Variants in PTPRR observed in about 807,000 individuals in gnomAD.
PTPRR encodes receptor-type tyrosine-protein phosphatase R.
Under a neutral mutation model 77.2 loss-of-function variants are expected in PTPRR, and 38 were observed. The observed-to-expected ratio is 0.49, with a 90% CI of 0.38 to 0.65. The LOEUF (loss-of-function observed/expected upper bound fraction) is 0.65, where lower values mean the gene tolerates loss of function less well. Ranked by LOEUF, PTPRR falls within the 30% of genes least tolerant of loss-of-function variation. The probability of loss-of-function intolerance (pLI) is 0.00; values close to 1 mark genes in which losing one functional copy is unlikely to be tolerated. For missense variants in PTPRR, 744 were observed against 799.2 expected, an observed-to-expected ratio of 0.93 and a Z score of 0.83; for synonymous variants, 299 against 283.1, an observed-to-expected ratio of 1.06 and a Z score of -0.57.
intron 2 of PTPRR, among the ~76,000 whole-genome samples, chr12:70,812,687 C>A (rs1222038499): frequency 1.3e-5 from 2 of 152,306 alleles, no homozygotes; most frequent in East Asian, 3.9e-4. Flanking sequence ...GCTTGAGAAG[C>A]AGTTCGATGT....
chr12:70,775,761 C>T (rs926358086), intron 2 of PTPRR, among the ~76,000 whole-genome samples: 1 of 152,056 alleles, frequency 6.6e-6, no homozygotes, highest in Non-Finnish European at 1.5e-5. Context: ...AATCCATCCA[C>T]TTCTAACTCA....
chr12:70,670,174 G>A (rs536522820), intron 10 of PTPRR, among the ~76,000 whole-genome samples: 1 of 152,304 alleles, frequency 6.6e-6, no homozygotes, highest in East Asian at 1.9e-4. Context: ...TGTAGAGAAA[G>A]AGTACAGCTG....
chr12:70,840,152 G>T (rs910638369), intron 2 of PTPRR, among the ~76,000 whole-genome samples: 2 of 152,090 alleles, frequency 1.3e-5, no homozygotes, highest in African/African-American at 4.8e-5. Flanking sequence ...TAAAATCAAA[G>T]TATCACTGGG....
At chr12:70,795,055 G>T (rs1054995670) in intron 2 of PTPRR, among the ~76,000 whole-genome samples, 2 of 152,108 alleles carry the variant, frequency 1.3e-5, no homozygotes, top group African/African-American at 4.8e-5. Context: ...TATAATCTCT[G>T]TTATAATGCA....
At position 70,870,500 on chromosome 12, in the gene PTPRR, C is replaced by T. The variant is rs541800141; in HGVS notation, c.357+22179G>A. On this transcript the variant is annotated intron_variant, in intron 2 of 13. Coordinates refer to ENST00000283228, the MANE Select transcript of PTPRR (RefSeq NM_002849.4). ...TTGCTCCCTATTCTCAGCAAATTAG[C>T]GCTCAATGGGAATGACAACAAAAAT... 7.2e-5 allele frequency among the ~76,000 whole-genome samples: 11 copies of T among 152,272 alleles called. 1 individual carries two copies. In the South Asian group the frequency reaches 1.4e-3, roughly 20 times the overall value.
rs758627872 is a variant in PTPRR, at chr12:70,764,746, T to C, written c.390A>G (p.Ile130Met). Residue 130 changes from isoleucine to methionine, a missense_variant, in exon 3 of 14, where the codon ATA becomes ATG. This residue lies in a region of PTPRR where 570 missense variants were observed against 573.2 expected (regional missense o/e 0.99). Coordinates refer to ENST00000283228, the MANE Select transcript of PTPRR (RefSeq NM_002849.4). The part of the protein sequence containing the change: ...TLQMDVNKLN[I>M]TLLRIFRQGV... ...CTTGGCGGAAGATCCGAAGCAAGGT[T>C]ATGTTCAGCTTGTTTACATCCATTT... 9 of 1,614,012 alleles carry C rather than the reference T, an allele frequency of 5.6e-6. No individual in the cohort carries two copies. The Admixed American group carries it at 1.5e-4, about 27-fold the overall frequency.
At chr12:70,897,962 T>C (rs1290030032) in intron 1 of PTPRR, among the ~76,000 whole-genome samples, 13 of 125,254 alleles carry the variant, frequency 1.0e-4, no homozygotes, top group Non-Finnish European at 1.4e-4. Flanking sequence ...TGAGAACACA[T>C]GGACACAGGA....
rs201447042 is a variant in PTPRR at position 70,901,781 on chromosome 12, ATTAAT to A, written c.59-8809_59-8805del. On this transcript the variant is annotated intron_variant, in intron 1 of 13. Coordinates refer to ENST00000283228, the MANE Select transcript of PTPRR (RefSeq NM_002849.4). Reference sequence around the variant, plus strand: ...GACTTAATCATTAATTTAATTATTAATTAATTTAATTAAGCTTTTGCATGGCAAAA... The same window carrying A: ...GACTTAATCATTAATTTAATTATTAATTAATTAAGCTTTTGCATGGCAAAA... Among the ~76,000 whole-genome samples the A allele has an allele frequency of 5.0e-3, 767 of 151,900 alleles. 28 individuals are homozygous for A. Among genetic ancestry groups the A allele is most frequent in the Admixed American group, 0.042 (641 of 15,202 alleles).
Position 70,664,969 on chromosome 12 carries a change from A to G in PTPRR, c.1498-2364T>C, listed in dbSNP as rs540566910. Among the ~76,000 whole-genome samples the G allele has an allele frequency of 2.3e-3, 353 of 152,290 alleles. 1 individual carries two copies. The highest frequency in any genetic ancestry group is 8.2e-3 in the African/African-American group (341 of 41,564). ...TCTAAGAGTACAAGTTCATGTTCAAATTATTTTCCTGTACAGCTTTTTAGG... is the reference window on the plus strand; with the variant it reads ...TCTAAGAGTACAAGTTCATGTTCAAGTTATTTTCCTGTACAGCTTTTTAGG... On this transcript the variant is annotated intron_variant, in intron 10 of 13. Transcript: ENST00000283228.
rs537963048 is a variant in PTPRR at position 70,742,582 on chromosome 12, G to A, written c.1007+3236C>T. Among the ~76,000 whole-genome samples, 242 of 152,284 alleles carry A rather than the reference G, an allele frequency of 1.6e-3. 3 individuals are homozygous for A. Among genetic ancestry groups the A allele is most frequent in the African/African-American group, 5.0e-3 (208 of 41,552 alleles). ...AGGGCTTCATATTTCATAAGTAGAA[G>A]TTATCAGTTTCTTCCTGAAGGCAGT... On this transcript the variant is annotated intron_variant, in intron 6 of 13. Coordinates refer to ENST00000283228, the MANE Select transcript of PTPRR (RefSeq NM_002849.4).
intron 2 of PTPRR, among the ~76,000 whole-genome samples, chr12:70,808,451 C>T (rs1203927308): frequency 6.6e-6 from 1 of 152,102 alleles, no homozygotes; most frequent in Non-Finnish European, 1.5e-5. Context: ...GCTGGTTTTA[C>T]AGCTCAGGGG....
At chr12:70,792,557 A>C (rs538509312) in intron 2 of PTPRR, among the ~76,000 whole-genome samples, 81 of 152,256 alleles carry the variant, frequency 5.3e-4, no homozygotes, top group African/African-American at 1.8e-3. Flanking sequence ...AGCTTATTTT[A>C]AAAATATGGA....
chr12:70,701,579 G>T (rs775107189), intron 6 of PTPRR, among the ~76,000 whole-genome samples: 2 of 152,056 alleles, frequency 1.3e-5, no homozygotes, highest in Non-Finnish European at 2.9e-5. Context: ...ACTTATTACA[G>T]AAATCATAGG....
intron 1 of PTPRR, 116 bp downstream of exon 1, chr12:70,920,217 T>C: frequency 8.8e-7 from 1 of 1,132,486 alleles, no homozygotes; most frequent in South Asian, 1.4e-5. Flanking sequence ...GGTACTGTCC[T>C]GTTTTACCTT....
chr12:70,698,373 T>C, intron 7 of PTPRR, 24 bp from the exon 8 acceptor site: 1 of 1,588,320 alleles, frequency 6.3e-7, no homozygotes, highest in Non-Finnish European at 8.6e-7. Flanking sequence ...TAATATCAAA[T>C]TAGTGTATCT....
At chr12:70,732,909 T>G (rs377033124) in intron 6 of PTPRR, among the ~76,000 whole-genome samples, 1 of 152,166 alleles carries the variant, frequency 6.6e-6, no homozygotes, top group Non-Finnish European at 1.5e-5. Flanking sequence ...TAAAATTAAC[T>G]TGATGTCCAA....
chr12:70,801,753 C>CTATCTA (rs1163084354), intron 2 of PTPRR, among the ~76,000 whole-genome samples: 2 of 152,272 alleles, frequency 1.3e-5, no homozygotes, highest in East Asian at 3.9e-4. Flanking sequence ...ATCTATCTAT[C>CTATCTA]TATCTATCTA....
intron 2 of PTPRR, among the ~76,000 whole-genome samples, chr12:70,868,432 A>G (rs1302481507): frequency 6.6e-6 from 1 of 152,188 alleles, no homozygotes; most frequent in African/African-American, 2.4e-5. Flanking sequence ...AGACACATGA[A>G]AAAATGCTCA....
chr12:70,701,089 A>T (rs1410869223), intron 7 of PTPRR, 48 bp downstream of exon 7: 2 of 1,593,006 alleles, frequency 1.3e-6, no homozygotes, highest in Admixed American at 3.3e-5. Context: ...CTAGTGCCCC[A>T]TGTATCAAAA....
Sources: allele counts gnomAD v4.1 joint callset (sites outside exome capture counted in the v4.1 genomes callset), GRCh38; gene constraint gnomAD v4.1.1; regional missense constraint gnomAD v4.1.1; transcripts MANE v1.5; gene names NCBI Gene and HGNC (gene_info 2026-07-23, HGNC 2026-07-21).